Variants in TENM1 observed in about 807,000 individuals in gnomAD.
TENM1 encodes the protein teneurin-1.
In TENM1, 35 loss-of-function variants were observed where a neutral mutation model predicts 174.8. The observed-to-expected ratio is 0.20, with a 90% confidence interval of 0.15 to 0.27. The LOEUF (loss-of-function observed/expected upper bound fraction) is 0.27. Ranked by LOEUF, TENM1 falls within the 10% of genes least tolerant of loss-of-function variation. TENM1 has a pLI of 1.00. For synonymous variants in TENM1, 781 were observed against 798.7 expected, an observed-to-expected ratio of 0.98 and a Z score of 0.37; for missense variants, 1,633 against 2,130.1, an observed-to-expected ratio of 0.77 and a Z score of 4.59.
chrX:124,667,186 A>G, intron 6 of TENM1, among the ~76,000 whole-genome samples: 1 of 111,629 alleles, frequency 9.0e-6, no homozygotes, highest in Non-Finnish European at 1.9e-5. Context: ...GGGGGTAGTT[A>G]TTTTTAATTT....
At chrX:124,471,136 AG>A (rs1381680188) in intron 22 of TENM1, among the ~76,000 whole-genome samples, 1 of 84,472 alleles carries the variant, frequency 1.2e-5, no homozygotes, top group East Asian at 3.5e-4. Context: ...TATAATATAT[AG>A]TAATATATAA....
chrX:125,165,657 C>T, the TENM1 span, among the ~76,000 whole-genome samples: 2 of 111,766 alleles, frequency 1.8e-5, no homozygotes, highest in African/African-American at 6.5e-5. Context: ...TCAGGAAGAA[C>T]ATTATGCTAA....
chrX:124,684,142 A>G (rs112560539), intron 5 of TENM1, among the ~76,000 whole-genome samples: 2,667 of 112,020 alleles, frequency 0.024, 81 homozygotes, highest in African/African-American at 0.083. Context: ...ATATTCAACC[A>G]TAGTGGTAAT....
chrX:124,995,990 C>T, the TENM1 span, among the ~76,000 whole-genome samples: 1 of 110,528 alleles, frequency 9.0e-6, no homozygotes, highest in Non-Finnish European at 1.9e-5. Context: ...TGAAAAAATC[C>T]AAGTTGAAAT....
chrX:124,471,209 C>T (rs12384768), intron 22 of TENM1, among the ~76,000 whole-genome samples: 6 of 38,466 alleles, frequency 1.6e-4, no homozygotes, highest in Non-Finnish European at 2.3e-4. Context: ...ATATATAGTA[C>T]TATATATTAT....
At chrX:124,429,043 T>A (rs1423337033) in intron 23 of TENM1, among the ~76,000 whole-genome samples, 2 of 111,848 alleles carry the variant, frequency 1.8e-5, no homozygotes, top group East Asian at 2.8e-4. Context: ...GGGTGTCAGG[T>A]ACTTCATATG....
intron 11 of TENM1, among the ~76,000 whole-genome samples, chrX:124,604,609 T>C (rs1427285389): frequency 9.0e-6 from 1 of 111,362 alleles, no homozygotes; most frequent in Non-Finnish European, 1.9e-5. Flanking sequence ...AACTGGGATA[T>C]GCTCATAGCA....
the TENM1 span, among the ~76,000 whole-genome samples, chrX:125,057,269 T>C: frequency 9.0e-6 from 1 of 111,192 alleles, no homozygotes; most frequent in African/African-American, 3.3e-5. Flanking sequence ...CTCGGGCATG[T>C]GAATGGAGAG....
chrX:124,395,761 C>T (rs2060326101), intron 27 of TENM1, among the ~76,000 whole-genome samples: 1 of 112,017 alleles, frequency 8.9e-6, no homozygotes, highest in African/African-American at 3.2e-5. Flanking sequence ...ACTACCCTTC[C>T]TGTGGTTTCA....
intron 3 of TENM1, among the ~76,000 whole-genome samples, chrX:124,783,336 TA>T (rs1409437280): frequency 8.9e-6 from 1 of 111,746 alleles, no homozygotes; most frequent in Non-Finnish European, 1.9e-5. Context: ...GTGGGAGAAA[TA>T]GAACTTTTAA....
chrX:124,990,338 T>A, the TENM1 span, among the ~76,000 whole-genome samples: 3 of 112,634 alleles, frequency 2.7e-5, no homozygotes, highest in African/African-American at 9.7e-5. Flanking sequence ...TCAATTCAAA[T>A]CCTAGATAAT....
chrX:125,024,069 TAAAA>T, the TENM1 span, among the ~76,000 whole-genome samples: 1 of 111,404 alleles, frequency 9.0e-6, no homozygotes, highest in Non-Finnish European at 1.9e-5. Context: ...ATTAAAAAGT[TAAAA>T]AACAATAGAT....
chrX:124,801,485 A>T (rs1292370229), intron 3 of TENM1, among the ~76,000 whole-genome samples: 1 of 111,602 alleles, frequency 9.0e-6, no homozygotes, highest in African/African-American at 3.3e-5. Flanking sequence ...GTGTCTTTGC[A>T]TGTAAGATGG....
chrX:125,105,506 C>T, the TENM1 span, among the ~76,000 whole-genome samples: 1 of 111,534 alleles, frequency 9.0e-6, no homozygotes, highest in South Asian at 3.8e-4. Flanking sequence ...CACTTTCATA[C>T]ATCTGCCTGA....
the TENM1 span, among the ~76,000 whole-genome samples, chrX:125,117,010 CAA>C: frequency 0.078 from 3,675 of 47,250 alleles, 216 homozygotes; most frequent in African/African-American, 0.21. Flanking sequence ...GACTCTGTCT[CAA>C]AAAAAAAAAA....
chrX:124,640,831 C>T (rs753741798), intron 11 of TENM1, among the ~76,000 whole-genome samples: 68 of 109,626 alleles, frequency 6.2e-4, no homozygotes, highest in African/African-American at 1.5e-3. Context: ...CGTGGTGTCA[C>T]GCGCCTGTAG....
At chrX:124,613,679 C>A (rs775925996) in intron 11 of TENM1, among the ~76,000 whole-genome samples, 133 of 111,494 alleles carry the variant, frequency 1.2e-3, no homozygotes, top group African/African-American at 4.1e-3. Flanking sequence ...ATCTTTTCCT[C>A]AATGTTTTTT....
At position 124,708,455 on chromosome X, in the gene TENM1, A is replaced by G. The variant is rs188605312; in HGVS notation, c.777-3204T>C. Among the ~76,000 whole-genome samples the G allele has an allele frequency of 8.1e-5, 9 of 111,630 alleles. No individual in the cohort carries two copies. In the East Asian group the frequency reaches 1.7e-3, roughly 21 times the overall value. On this transcript the variant is annotated intron_variant, in intron 4 of 31. Coordinates refer to ENST00000422452, the Ensembl canonical transcript of TENM1. ...TGATGCAATAATTATGGCTATAGGA[A>G]TTTTTCCTCAGGAAATGATGTGTAT...
At chrX:124,722,771 C>T (rs1366766548) in intron 4 of TENM1, among the ~76,000 whole-genome samples, 2 of 96,639 alleles carry the variant, frequency 2.1e-5, no homozygotes, top group Middle Eastern at 5.8e-3. Context: ...ACCCGGGAGG[C>T]GGAGCTTGCA....
Sources: allele counts gnomAD v4.1 joint callset (sites outside exome capture counted in the v4.1 genomes callset), GRCh38; gene constraint gnomAD v4.1.1; transcripts MANE v1.5; gene names NCBI Gene and HGNC (gene_info 2026-07-23, HGNC 2026-07-21).